Variants in SCAF8 observed in about 807,000 individuals in gnomAD.
The protein encoded by SCAF8 is SR-related CTD associated factor 8.
In SCAF8, 23 loss-of-function variants were observed where a neutral mutation model predicts 140.5. The observed-to-expected ratio is 0.16, with a 90% CI of 0.12 to 0.23. The LOEUF (loss-of-function observed/expected upper bound fraction) is 0.23. Among genes scored for constraint, SCAF8 ranks in the 10% least tolerant of loss-of-function variants. SCAF8 has a pLI of 1.00. For missense variants in SCAF8, 1,397 were observed against 1,555.7 expected, an observed-to-expected ratio of 0.90 and a Z score of 1.72; for synonymous variants, 575 against 528.9, an observed-to-expected ratio of 1.09 and a Z score of -1.20.
chr6:154,805,376 G>T lies in SCAF8; in HGVS notation c.871G>T (p.Val291Phe), dbSNP rs945026825. The T allele has an allele frequency of 6.3e-7, 1 of 1,598,668 alleles. No individual in the cohort carries two copies. The highest frequency in any genetic ancestry group is 1.3e-5 in the African/African-American group (1 of 74,504). Reference protein sequence around the residue: ...KEIPASQLSHVSESVNNSIFH... With the variant: ...KEIPASQLSHFSESVNNSIFH... ...ACCTGTTTTTCCTTTTAGTTCTCAC[G>T]TTTCAGAATCTGTGAACAATTCCAT... Residue 291 changes from valine to phenylalanine, a missense_variant, in exon 9 of 20, where the codon GTT (valine) becomes TTT (phenylalanine). Transcript: ENST00000367178.
rs914126133 is a variant in SCAF8, at chr6:154,833,585, T to C, written c.*190T>C. 20 of 466,810 alleles carry C rather than the reference T, an allele frequency of 4.3e-5. No homozygotes were observed. Among genetic ancestry groups the C allele is most frequent in the Admixed American group, 2.4e-4 (6 of 25,274 alleles). The allele number at this position is 466,810 out of a possible 1,614,324, so 28.9% of individuals were successfully genotyped here. The stretch of plus-strand genomic sequence containing the variant: ...GACATTGTTCTTAATATGAACATGG[T>C]AGGTAAACTTTTTTTTTATTTTTTT... On this transcript the variant is annotated 3_prime_UTR_variant, in exon 20 of 20. Coordinates refer to ENST00000367178, the MANE Select transcript of SCAF8 (RefSeq NM_014892.5).
rs1415666280 is a variant in SCAF8, at chr6:154,733,423, A to G, written c.-478A>G. ...GCCCGACTCGAGTCCGCCATATTGG[A>G]TGCCGCAGCCGCTGCTGCCAGCGCT... On this transcript the variant is annotated 5_prime_UTR_variant, in exon 1 of 20. The change abolishes an upstream ATG in the 5' untranslated region. Coordinates refer to ENST00000367178, the MANE Select transcript of SCAF8 (RefSeq NM_014892.5). 6 of 1,404,198 alleles carry G rather than the reference A, an allele frequency of 4.3e-6. No individual in the cohort carries two copies. In the South Asian group the frequency reaches 4.4e-5, roughly 10 times the overall value. 87.0% of individuals were successfully genotyped at this position (1,404,198 alleles called of 1,614,324 possible).
intron 1 of SCAF8, among the ~76,000 whole-genome samples, chr6:154,761,669 C>T (rs1056625007): frequency 1.3e-5 from 2 of 152,060 alleles, no homozygotes; most frequent in Admixed American, 1.3e-4. Context: ...ATTCTGATCA[C>T]TCAAGAATAT....
chr6:154,789,253 C>T (rs1484064583), intron 4 of SCAF8, among the ~76,000 whole-genome samples: 6 of 151,700 alleles, frequency 4.0e-5, no homozygotes, highest in African/African-American at 7.3e-5. Context: ...GGATTACAGG[C>T]GCCCGCCACC....
Position 154,753,012 on chromosome 6 carries a change from G to GTT in SCAF8, c.30+19092_30+19093dup, listed in dbSNP as rs558280693. 9.8e-3 allele frequency among the ~76,000 whole-genome samples: 1,436 copies of GTT among 145,924 alleles called. 15 individuals are homozygous for GTT. The highest frequency in any genetic ancestry group is 0.034 in the African/African-American group (1,360 of 39,956). On this transcript the variant is annotated intron_variant, in intron 1 of 19. Transcript: ENST00000367178. ...AGGAGTACAGTTTTGTTTTTGTTTT[G>GTT]TTTTTTTTTTTAATTTACCAGAAGG...
chr6:154,816,586 C>A (rs896225561), intron 13 of SCAF8, among the ~76,000 whole-genome samples: 2 of 152,194 alleles, frequency 1.3e-5, no homozygotes, highest in Non-Finnish European at 2.9e-5. Context: ...ATCCATCCAT[C>A]CATCCATCCA....
chr6:154,783,113 T>C (rs537286622), intron 3 of SCAF8, among the ~76,000 whole-genome samples: 8 of 152,328 alleles, frequency 5.3e-5, no homozygotes, highest in African/African-American at 1.4e-4. Context: ...TTGGTGACTT[T>C]TCTACCATCC....
At chr6:154,829,277 T>A (rs1041379261) in intron 18 of SCAF8, among the ~76,000 whole-genome samples, 5 of 152,034 alleles carry the variant, frequency 3.3e-5, no homozygotes, top group African/African-American at 1.2e-4. Context: ...CACTCTAGCT[T>A]ACTTGGTTTT....
intron 1 of SCAF8, among the ~76,000 whole-genome samples, chr6:154,755,100 T>C (rs1158867366): frequency 6.6e-6 from 1 of 152,198 alleles, no homozygotes; most frequent in East Asian, 1.9e-4. Context: ...ATATTCTGCA[T>C]CCTTCTCATT....
chr6:154,777,224 G>C (rs919369592), intron 2 of SCAF8, among the ~76,000 whole-genome samples: 45 of 151,784 alleles, frequency 3.0e-4, no homozygotes, highest in Admixed American at 1.3e-4. Context: ...CACAATTCAG[G>C]TTCTTTAAAC....
Position 154,754,482 on chromosome 6 carries a change from A to G in SCAF8, c.31-19507A>G, listed in dbSNP as rs970115736. 3.8e-4 allele frequency among the ~76,000 whole-genome samples: 58 copies of G among 152,238 alleles called. 1 individual carries two copies. Among genetic ancestry groups the G allele is most frequent in the Non-Finnish European group, 7.9e-4 (54 of 68,038 alleles). ...TTGAGACACAGTTCCATAACTCACA[A>G]GCAGTTTGATTTTAGTTAAGTCACT... On this transcript the variant is annotated intron_variant, in intron 1 of 19. Coordinates refer to ENST00000367178, the MANE Select transcript of SCAF8 (RefSeq NM_014892.5).
At chr6:154,783,556 A>G (rs886554904) in intron 3 of SCAF8, among the ~76,000 whole-genome samples, 2 of 152,216 alleles carry the variant, frequency 1.3e-5, no homozygotes, top group African/African-American at 2.4e-5. Flanking sequence ...AGTTACATTT[A>G]CTTTGTAAAT....
In SCAF8 at chr6:154,833,209, T is replaced by C. The variant is rs1778804209; in HGVS notation, c.3630T>C (p.Asn1210=). The change falls in exon 20 of 20, where the codon AAT becomes AAC. Residue 1210 remains asparagine (N), a synonymous_variant. Transcript: ENST00000367178. ...EGATSQRKGD[N]VPQVNGENTE... is the part of the protein sequence containing the mutation. ...CCACTTCTCAACGAAAAGGTGATAATGTGCCTCAGGTTAATGGTGAAAATA... is the reference window on the plus strand; with the variant it reads ...CCACTTCTCAACGAAAAGGTGATAACGTGCCTCAGGTTAATGGTGAAAATA... 2.5e-6 allele frequency: 4 copies of C among 1,614,064 alleles called. No individual in the cohort carries two copies. Among genetic ancestry groups the C allele is most frequent in the Non-Finnish European group, 3.4e-6 (4 of 1,179,992 alleles).
At chr6:154,792,740 A>T (rs1206448526) in intron 4 of SCAF8, 83 bp from the exon 5 acceptor site, 13 of 881,638 alleles carry the variant, frequency 1.5e-5, no homozygotes, top group Non-Finnish European at 1.9e-5. Flanking sequence ...CTTTCCATCC[A>T]GGGCCCAGAT....
At chr6:154,770,388 A>ACACACTCTCTCTCTCTCTCTCT (rs1384942827) in intron 1 of SCAF8, among the ~76,000 whole-genome samples, 37 of 141,912 alleles carry the variant, frequency 2.6e-4, no homozygotes, top group Non-Finnish European at 4.6e-5. Flanking sequence ...ACACACACAC[A>ACACACTCTCTCTCTCTCTCTCT]CTCTCTCTCT....
intron 6 of SCAF8, among the ~76,000 whole-genome samples, chr6:154,797,707 G>T (rs2114890277): frequency 6.6e-6 from 1 of 151,366 alleles, no homozygotes; most frequent in South Asian, 2.1e-4. Flanking sequence ...CAATGATCTT[G>T]TATGTTTTAA....
chr6:154,807,269 T>G (rs1368410990), intron 9 of SCAF8, among the ~76,000 whole-genome samples: 1 of 152,196 alleles, frequency 6.6e-6, no homozygotes, highest in Non-Finnish European at 1.5e-5. Flanking sequence ...TTAATTACTC[T>G]ATATATCAGT....
rs762960981 is a variant in SCAF8 at position 154,822,429 on chromosome 6, T to A, written c.1926+20T>A. On this transcript the variant is annotated intron_variant, in intron 16 of 19. Coordinates refer to ENST00000367178, the MANE Select transcript of SCAF8 (RefSeq NM_014892.5). ...TTGCAGGTTAGTGTTGAAGTGGGGTTTTTTTTTTCTTGTGTTGTTTTACAT... is the reference window on the plus strand; with the variant it reads ...TTGCAGGTTAGTGTTGAAGTGGGGTATTTTTTTTCTTGTGTTGTTTTACAT... 7.0e-6 allele frequency: 11 copies of A among 1,574,104 alleles called. No homozygotes were observed. The African/African-American group carries it at 1.4e-4, about 20-fold the overall frequency.
chr6:154,742,041 A>G (rs1310799350), intron 1 of SCAF8: 1 of 1,490,996 alleles, frequency 6.7e-7, no homozygotes, highest in Admixed American at 2.0e-5. Flanking sequence ...TAACCCACAT[A>G]AGGCAGGCCC....
Sources: allele counts gnomAD v4.1 joint callset (sites outside exome capture counted in the v4.1 genomes callset), GRCh38; gene constraint gnomAD v4.1.1; transcripts MANE v1.5; gene names NCBI Gene and HGNC (gene_info 2026-07-23, HGNC 2026-07-21).